The following RANBP3 variants were observed in gnomAD, a reference collection of about 807,000 sequenced individuals.
The protein encoded by RANBP3 is RAN binding protein 3.
In RANBP3, 14 loss-of-function variants were observed where a neutral mutation model predicts 77.3. That is an observed-to-expected ratio of 0.18 (90% CI 0.12 to 0.28). RANBP3 has a LOEUF of 0.28. Ranked by LOEUF, RANBP3 falls within the 10% of genes least tolerant of loss-of-function variation. RANBP3 has a pLI of 1.00. For synonymous variants in RANBP3, 315 were observed against 312.4 expected (o/e 1.01, Z -0.09); for missense variants, 586 against 752.3 (o/e 0.78, Z 2.59).
chr19:5,940,207 A>C (rs2058117548), intron 5 of RANBP3, among the ~76,000 whole-genome samples: 1 of 152,162 alleles, frequency 6.6e-6, no homozygotes, highest in Non-Finnish European at 1.5e-5. Flanking sequence ...CGGGGAGAAG[A>C]ATGGTGGTCC....
At chr19:5,969,640 G>T (rs1046625355) in intron 1 of RANBP3, among the ~76,000 whole-genome samples, 2 of 152,240 alleles carry the variant, frequency 1.3e-5, no homozygotes, top group African/African-American at 4.8e-5. Flanking sequence ...TCACCGGGAA[G>T]GACAAGCATG....
At position 5,951,931 on chromosome 19, in the gene RANBP3, G is replaced by A. The variant is rs555374090; in HGVS notation, c.79-335C>T. 3.3e-5 allele frequency among the ~76,000 whole-genome samples: 5 copies of A among 152,296 alleles called. No individual in the cohort carries two copies. The East Asian group carries it at 5.8e-4, about 18-fold the overall frequency. ...GCCTTGGTGATCAAGGGACAGGGAC[G>A]ATCATGCAAAATATTAAAACCCCTT... On this transcript the variant is annotated intron_variant, in intron 2 of 16. Coordinates refer to ENST00000340578, the MANE Select transcript of RANBP3 (RefSeq NM_007322.3).
chr19:5,951,544 TCCC>T lies in RANBP3; in HGVS notation c.128_130del (p.Gly43del). 1 of 1,612,390 alleles carries T rather than the reference TCCC, an allele frequency of 6.2e-7. No homozygotes were observed. The highest frequency in any genetic ancestry group is 8.5e-7 in the Non-Finnish European group (1 of 1,179,224). Reference sequence around the variant, plus strand: ...CGTGCCATGGTGGGGGGCCTCAGCCTCCCCCCGAGGCTCCTCTCCCGAATCCGA... The same window carrying T: ...CGTGCCATGGTGGGGGGCCTCAGCCTCCCGAGGCTCCTCTCCCGAATCCGA... On this transcript the variant is annotated inframe_deletion, in exon 3 of 17. Transcript: ENST00000340578.
intron 10 of RANBP3, 80 bp downstream of exon 10, chr19:5,925,554 C>T (rs2057893988): frequency 1.3e-5 from 17 of 1,283,196 alleles, no homozygotes; most frequent in Non-Finnish European, 1.7e-5. Context: ...GCACGGGGAC[C>T]ACAGACCCCT....
chr19:5,966,937 A>C (rs2058474682), intron 1 of RANBP3, among the ~76,000 whole-genome samples: 1 of 152,256 alleles, frequency 6.6e-6, no homozygotes, highest in South Asian at 2.1e-4. Context: ...CACAAATAAC[A>C]GTCTATTAAA....
chr19:5,924,981 GCA>G lies in RANBP3; in HGVS notation c.918-78_918-77del, dbSNP rs1447658854. 2.2e-6 allele frequency: 3 copies of G among 1,339,282 alleles called. No individual in the cohort carries two copies. In the African/African-American group the frequency reaches 4.3e-5, roughly 19 times the overall value. The allele number at this position is 1,339,282 out of a possible 1,614,324, so 83.0% of individuals were successfully genotyped here. ...AGGCAAATGTATGGGTACCCATGGA[GCA>G]CACACTGACACAGAGGGCACAGTGG... On this transcript the variant is annotated intron_variant, in intron 10 of 16. Transcript: ENST00000340578. The surrounding 1 kb of genome is among the most constrained non-coding windows in gnomAD (Gnocchi z 4.7).
At chr19:5,935,962 C>G (rs1399416329) in intron 5 of RANBP3, 1 of 354,268 alleles carries the variant, frequency 2.8e-6, no homozygotes, top group East Asian at 7.5e-5. Flanking sequence ...CGCATCACTC[C>G]AGAGAGGAAG....
chr19:5,923,426 GCCTGCC>G (rs2057854057), intron 12 of RANBP3, 123 bp from the exon 13 acceptor site: 1 of 907,258 alleles, frequency 1.1e-6, no homozygotes, highest in Admixed American at 2.2e-5. Context: ...CCCCTGGCAG[GCCTGCC>G]CCGGCAACCC....
At chr19:5,939,384 A>G (rs2058105358) in intron 5 of RANBP3, among the ~76,000 whole-genome samples, 1 of 152,144 alleles carries the variant, frequency 6.6e-6, no homozygotes, top group Admixed American at 6.6e-5. Context: ...GTTGGGGGAA[A>G]AATTTTAACA....
intron 8 of RANBP3, among the ~76,000 whole-genome samples, chr19:5,931,090 CAT>C (rs2145080822): frequency 1.3e-5 from 2 of 152,342 alleles, no homozygotes; most frequent in Admixed American, 1.3e-4. Flanking sequence ...TCCCGTGAGA[CAT>C]GTGGCGGTCA....
chr19:5,970,187 C>G (rs890412768), intron 1 of RANBP3, among the ~76,000 whole-genome samples: 23 of 152,280 alleles, frequency 1.5e-4, no homozygotes, highest in African/African-American at 5.5e-4. Flanking sequence ...GTCCAAATGT[C>G]AACTGAGCTG....
At chr19:5,925,379 A>G (rs2057890688) in intron 10 of RANBP3, 2 of 567,548 alleles carry the variant, frequency 3.5e-6, no homozygotes, top group East Asian at 6.1e-5. Flanking sequence ...GCTGGGCTGT[A>G]GCCTCCATGG....
At chr19:5,974,102 G>A (rs2058560791) in intron 1 of RANBP3, among the ~76,000 whole-genome samples, 1 of 152,154 alleles carries the variant, frequency 6.6e-6, no homozygotes, top group Non-Finnish European at 1.5e-5. Context: ...GTGAGGGGAG[G>A]TGTGTGCTAC....
intron 14 of RANBP3, among the ~76,000 whole-genome samples, chr19:5,920,216 G>A (rs2057800163): frequency 6.6e-6 from 1 of 152,160 alleles, no homozygotes; most frequent in Admixed American, 6.5e-5. Context: ...GGGCAACACA[G>A]GGAGACCTGT....
intron 1 of RANBP3, among the ~76,000 whole-genome samples, chr19:5,972,991 A>AAAG (rs1329838355): frequency 6.6e-6 from 1 of 152,208 alleles, no homozygotes; most frequent in Non-Finnish European, 1.5e-5. Context: ...TATACGCAGG[A>AAAG]TCCTGGGCAA....
intron 2 of RANBP3, among the ~76,000 whole-genome samples, chr19:5,953,020 A>C (rs778959475): frequency 3.9e-5 from 6 of 152,176 alleles, no homozygotes; most frequent in Non-Finnish European, 8.8e-5. Context: ...ATTTTTTGTA[A>C]TCCCTGCTTT....
At position 5,931,473 on chromosome 19, in the gene RANBP3, G is replaced by C. The variant is rs375073209; in HGVS notation, c.624C>G (p.Pro208=). 7.4e-6 allele frequency: 12 copies of C among 1,612,838 alleles called. No homozygotes were observed. The highest frequency in any genetic ancestry group is 1.0e-5 in the Non-Finnish European group (12 of 1,179,544). The part of the protein sequence containing the change: ...SLPADCTGAV[P]AASPDTAAWR... ...ATGCAGCAGTGTCAGGGGATGCTGCGGGCACTGCCCCCGTGCAGTCTGCTG... is the reference window on the plus strand; with the variant it reads ...ATGCAGCAGTGTCAGGGGATGCTGCCGGCACTGCCCCCGTGCAGTCTGCTG... The change falls in exon 8 of 17, where the codon CCC becomes CCG. Residue 208 remains proline, a synonymous_variant. Coordinates refer to ENST00000340578, the MANE Select transcript of RANBP3 (RefSeq NM_007322.3).
chr19:5,975,090 G>A (rs2058574805), intron 1 of RANBP3, among the ~76,000 whole-genome samples: 1 of 152,186 alleles, frequency 6.6e-6, no homozygotes, highest in African/African-American at 2.4e-5. Flanking sequence ...AAAGGCACAG[G>A]CAAGGAGGCC....
chr19:5,935,742 C>T (rs991912877), intron 5 of RANBP3: 27 of 456,634 alleles, frequency 5.9e-5, no homozygotes, highest in South Asian at 1.5e-5. Context: ...ACAGACAAGG[C>T]GTGCTCCAGG....
Sources: allele counts gnomAD v4.1 joint callset (sites outside exome capture counted in the v4.1 genomes callset), GRCh38; gene constraint gnomAD v4.1.1; non-coding constraint Gnocchi (gnomAD v3.1); transcripts MANE v1.5; gene names NCBI Gene and HGNC (gene_info 2026-07-23, HGNC 2026-07-21).